SYNPO2: variants seen among roughly 807,000 people sequenced by gnomAD.
SYNPO2 encodes synaptopodin-2.
Under a neutral mutation model 85.0 loss-of-function variants are expected in SYNPO2, and 56 were observed. The ratio of observed to expected loss-of-function variants is 0.66; its 90% CI spans 0.53 to 0.82. The LOEUF is 0.82. SYNPO2 is among the 40% of genes least tolerant of loss of function. SYNPO2 has a pLI of 0.00. For missense variants in SYNPO2, 1,575 were observed against 1,534.2 expected, an observed-to-expected ratio of 1.03 and a Z score of -0.44; for synonymous variants, 602 against 591.1, an observed-to-expected ratio of 1.02 and a Z score of -0.27.
In SYNPO2 at chr4:118,926,718, T is replaced by C. The variant is rs1261481198; in HGVS notation, c.105+37577T>C. Among the ~76,000 whole-genome samples, 5 of 152,260 alleles carry C rather than the reference T, an allele frequency of 3.3e-5. No homozygotes were observed. The East Asian group carries it at 9.7e-4, about 29-fold the overall frequency. On this transcript the variant is annotated intron_variant, in intron 1 of 4. Coordinates refer to ENST00000307142, the MANE Select transcript of SYNPO2 (RefSeq NM_133477.3). ...TTAAAAGAGGCACCTTGTTAAATGG[T>C]GTAATGAAACAAAAACTGAAAATGC...
At chr4:118,853,077 AAG>A (rs1223901378) in intron 1 of SYNPO2, among the ~76,000 whole-genome samples, 2 of 152,186 alleles carry the variant, frequency 1.3e-5, no homozygotes, top group East Asian at 1.9e-4. Context: ...CAAGAAACAC[AAG>A]AGTTTTTTTC....
rs549452365 is a variant in SYNPO2, at chr4:118,858,338, G to A, written c.12+7398G>A. Among the ~76,000 whole-genome samples the A allele has an allele frequency of 2.0e-5, 3 of 152,258 alleles. 1 individual carries two copies. The highest frequency in any genetic ancestry group is 7.2e-5 in the African/African-American group (3 of 41,556). ...GTCTTGAAAATAATAATCAGACTAA[G>A]AGAATTATAAAATTAAAGGGAACTT... is the stretch of plus-strand genomic sequence containing the variant. On this transcript the variant is annotated intron_variant, in intron 1 of 4. Coordinates refer to the SYNPO2 transcript ENST00000610556.
At chr4:118,917,156 C>T (rs1283676437) in intron 1 of SYNPO2, among the ~76,000 whole-genome samples, 1 of 152,180 alleles carries the variant, frequency 6.6e-6, no homozygotes, top group Non-Finnish European at 1.5e-5. Flanking sequence ...CTTTGGGAGG[C>T]CAAGGCGGGT....
At chr4:118,984,109 G>A (rs527634151) in intron 1 of SYNPO2, among the ~76,000 whole-genome samples, 2 of 152,096 alleles carry the variant, frequency 1.3e-5, no homozygotes, top group African/African-American at 4.8e-5. Flanking sequence ...CACCAAACTG[G>A]TGTCTCTGTC....
In SYNPO2 at chr4:118,977,196, T is replaced by C. The variant is rs557260541; in HGVS notation, c.106-46234T>C. 8.8e-3 allele frequency among the ~76,000 whole-genome samples: 1,337 copies of C among 152,038 alleles called. 9 individuals are homozygous for C. The highest frequency in any genetic ancestry group is 0.044 in the Middle Eastern group (13 of 294). On this transcript the variant is annotated intron_variant, in intron 1 of 4. Transcript: ENST00000307142. ...GCTGCAGGTCCCAAGGCCTGCCCCG[T>C]GGGAAGGCAGCTAAGGCCCGGGGAG... is the stretch of plus-strand genomic sequence containing the variant.
At chr4:119,032,250 T>A (rs1738306346) in intron 4 of SYNPO2, 1 of 1,424,656 alleles carries the variant, frequency 7.0e-7, no homozygotes, top group Non-Finnish European at 9.1e-7. Flanking sequence ...AATATATTTA[T>A]CTTCTTTGCA....
chr4:118,920,330 A>G (rs62326836), intron 1 of SYNPO2, among the ~76,000 whole-genome samples: 28,622 of 152,124 alleles, frequency 0.19, 2,764 homozygotes, highest in African/African-American at 0.23. Flanking sequence ...AAGCAATTTT[A>G]TATAAGAACT....
intron 1 of SYNPO2, among the ~76,000 whole-genome samples, chr4:118,981,593 G>A (rs1266319695): frequency 6.6e-6 from 1 of 152,136 alleles, no homozygotes; most frequent in Non-Finnish European, 1.5e-5. Flanking sequence ...TATAGAACAT[G>A]ATGTCATAAG....
At chr4:119,022,512 G>GTTGTT (rs1737761427) in intron 1 of SYNPO2, among the ~76,000 whole-genome samples, 1 of 87,096 alleles carries the variant, frequency 1.1e-5, no homozygotes, top group Admixed American at 1.6e-4. Context: ...TTTTTTGTAG[G>GTTGTT]TTTTTTTTTT....
intron 1 of SYNPO2, among the ~76,000 whole-genome samples, chr4:118,861,856 T>A (rs1027674474): frequency 4.6e-5 from 7 of 151,590 alleles, no homozygotes; most frequent in Admixed American, 4.6e-4. Context: ...AATTTTAGGA[T>A]TTTTTTTTCT....
intron 1 of SYNPO2, among the ~76,000 whole-genome samples, chr4:118,957,956 T>C (rs1734937545): frequency 1.3e-5 from 2 of 152,204 alleles, no homozygotes; most frequent in Admixed American, 6.5e-5. Flanking sequence ...CAGCCACTTT[T>C]CTTGCCAAAA....
chr4:119,004,231 TA>T (rs869124391), intron 1 of SYNPO2, among the ~76,000 whole-genome samples: 3 of 152,112 alleles, frequency 2.0e-5, no homozygotes, highest in East Asian at 1.9e-4. Context: ...TACCTTTTTT[TA>T]AAAAAAAGTA....
intron 1 of SYNPO2, among the ~76,000 whole-genome samples, chr4:118,997,455 G>A (rs916380018): frequency 6.6e-6 from 1 of 152,088 alleles, no homozygotes; most frequent in Non-Finnish European, 1.5e-5. Flanking sequence ...GGGACACTGA[G>A]GCTAAACTAG....
chr4:118,909,285 T>G (rs1020389705), intron 1 of SYNPO2, among the ~76,000 whole-genome samples: 1 of 152,228 alleles, frequency 6.6e-6, no homozygotes, highest in African/African-American at 2.4e-5. Context: ...TCCATTTACA[T>G]GGCTCTTAAT....
At chr4:119,013,017 C>A (rs993090013) in intron 1 of SYNPO2, among the ~76,000 whole-genome samples, 7 of 152,294 alleles carry the variant, frequency 4.6e-5, no homozygotes, top group Non-Finnish European at 8.8e-5. Flanking sequence ...CAGTTATTCT[C>A]AAAGTGTCAT....
At chr4:118,996,700 A>G (rs959571946) in intron 1 of SYNPO2, among the ~76,000 whole-genome samples, 2 of 151,582 alleles carry the variant, frequency 1.3e-5, no homozygotes, top group African/African-American at 4.9e-5. Context: ...TATTCAAAAT[A>G]CAAAAAATAA....
upstream of SYNPO2, among the ~76,000 whole-genome samples, chr4:118,885,460 T>G (rs1213447435): frequency 1.4e-5 from 2 of 147,014 alleles, no homozygotes; most frequent in African/African-American, 2.5e-5. Flanking sequence ...AGAAGTTAGA[T>G]CCATAGGTCT....
At chr4:118,903,786 A>G (rs1222599516) in intron 1 of SYNPO2, among the ~76,000 whole-genome samples, 1 of 151,776 alleles carries the variant, frequency 6.6e-6, no homozygotes, top group Non-Finnish European at 1.5e-5. Context: ...ATCTCGGCTC[A>G]CTGCAACCTC....
intron 1 of SYNPO2, among the ~76,000 whole-genome samples, chr4:118,925,356 T>A (rs913935438): frequency 3.3e-5 from 5 of 152,156 alleles, no homozygotes; most frequent in Admixed American, 3.3e-4. Context: ...ACCAGATGAC[T>A]GTTGGCCTCA....
Sources: allele counts gnomAD v4.1 joint callset (sites outside exome capture counted in the v4.1 genomes callset), GRCh38; gene constraint gnomAD v4.1.1; transcripts MANE v1.5; gene names NCBI Gene and HGNC (gene_info 2026-07-23, HGNC 2026-07-21).